Variants in GALNT13 observed in about 807,000 individuals in gnomAD.
GALNT13 encodes polypeptide N-acetylgalactosaminyltransferase 13.
A neutral mutation model predicts 64.2 loss-of-function variants in GALNT13; 28 were observed. The ratio of observed to expected loss-of-function variants is 0.44; its 90% CI spans 0.32 to 0.60. The LOEUF (loss-of-function observed/expected upper bound fraction) is 0.60, where lower values mean the gene tolerates loss of function less well. Ranked by LOEUF, GALNT13 falls within the 20% of genes least tolerant of loss-of-function variation. The pLI, the probability that GALNT13 is intolerant of heterozygous loss-of-function variation, is 0.05. For missense variants in GALNT13, 577 were observed against 669.8 expected (o/e 0.86, Z 1.53); for synonymous variants, 214 against 224.6 (o/e 0.95, Z 0.42).
chr2:153,162,552 C>A, the GALNT13 span, among the ~76,000 whole-genome samples: 2 of 152,116 alleles, frequency 1.3e-5, no homozygotes, highest in African/African-American at 4.8e-5. Flanking sequence ...AGTCAGCCCC[C>A]CTGGGAAGAG....
At chr2:153,402,779 C>T in the GALNT13 span, among the ~76,000 whole-genome samples, 1 of 152,110 alleles carries the variant, frequency 6.6e-6, no homozygotes, top group South Asian at 2.1e-4. Flanking sequence ...TCAGCTCCAT[C>T]AGCTCCTTTA....
At chr2:154,398,651 A>G (rs1282023887) in intron 10 of GALNT13, among the ~76,000 whole-genome samples, 1 of 152,192 alleles carries the variant, frequency 6.6e-6, no homozygotes, top group Non-Finnish European at 1.5e-5. Flanking sequence ...GAAGTCAAGC[A>G]TAGGAGGGTT....
At chr2:153,872,616 T>G (rs373811022) in intron 1 of GALNT13, among the ~76,000 whole-genome samples, 2,716 of 27,262 alleles carry the variant, frequency 0.1, 279 homozygotes, top group Non-Finnish European at 0.14. Flanking sequence ...GAGTTGTTGG[T>G]GGCGGGGGGG....
chr2:153,514,692 T>C, the GALNT13 span, among the ~76,000 whole-genome samples: 1 of 152,134 alleles, frequency 6.6e-6, no homozygotes, highest in African/African-American at 2.4e-5. Flanking sequence ...GTGCTACCAT[T>C]CATGTTGCAA....
the GALNT13 span, among the ~76,000 whole-genome samples, chr2:153,561,003 A>G: frequency 6.6e-6 from 1 of 151,786 alleles, no homozygotes; most frequent in Non-Finnish European, 1.5e-5. Flanking sequence ...ATTTTTCCTT[A>G]TATCTCTTAT....
At chr2:153,898,766 A>G (rs1219939073) in intron 1 of GALNT13, among the ~76,000 whole-genome samples, 2 of 151,540 alleles carry the variant, frequency 1.3e-5, no homozygotes, top group African/African-American at 2.4e-5. Context: ...ATAGGAATCT[A>G]GTGAAATGTA....
chr2:153,486,874 A>G, the GALNT13 span, among the ~76,000 whole-genome samples: 393 of 152,324 alleles, frequency 2.6e-3, 15 homozygotes, highest in East Asian at 0.068. Context: ...TGAACTGCTT[A>G]TAATCTTCCA....
the GALNT13 span, among the ~76,000 whole-genome samples, chr2:153,276,575 A>G: frequency 6.6e-6 from 1 of 152,128 alleles, no homozygotes; most frequent in Admixed American, 6.5e-5. Flanking sequence ...TATAAACACA[A>G]TATTTTATCA....
At chr2:153,497,874 T>C in the GALNT13 span, among the ~76,000 whole-genome samples, 1 of 152,172 alleles carries the variant, frequency 6.6e-6, no homozygotes, top group African/African-American at 2.4e-5. Context: ...AGGGACCATC[T>C]GTTTACTCAT....
rs77249977 is a variant in GALNT13 at position 154,144,183 on chromosome 2, C to T, written c.311+3678C>T. On this transcript the variant is annotated intron_variant, in intron 4 of 12. Transcript: ENST00000392825. Reference sequence around the variant, plus strand: ...GAAAACAGTAATACCATCCAAAATTCCTAGACAAGTCACAGTGTATGAGGT... The same window carrying T: ...GAAAACAGTAATACCATCCAAAATTTCTAGACAAGTCACAGTGTATGAGGT... Among the ~76,000 whole-genome samples the T allele has an allele frequency of 7.3e-3, 1,104 of 152,168 alleles. 91 individuals carry two copies. The East Asian group carries it at 0.18, about 25-fold the overall frequency.
intron 3 of GALNT13, among the ~76,000 whole-genome samples, chr2:154,063,000 CAA>C (rs1700274499): frequency 1.3e-5 from 2 of 152,034 alleles, no homozygotes; most frequent in Admixed American, 1.3e-4. Context: ...ATTCCTAATT[CAA>C]GAGTATTCTT....
At chr2:153,565,026 T>C in the GALNT13 span, among the ~76,000 whole-genome samples, 1 of 152,098 alleles carries the variant, frequency 6.6e-6, no homozygotes, top group Admixed American at 6.5e-5. Flanking sequence ...ACAAGCTGAA[T>C]GGGCTTAGGA....
rs1423594599 is a variant in GALNT13, at chr2:154,259,009, T to A, written c.858-12T>A. 7.1e-7 allele frequency: 1 copy of A among 1,403,022 alleles called. No individual in the cohort carries two copies. Among genetic ancestry groups the A allele is most frequent in the African/African-American group, 1.4e-5 (1 of 70,400 alleles). The allele number at this position is 1,403,022 out of a possible 1,614,324, so 86.9% of individuals were successfully genotyped here. A position where few individuals can be genotyped will look rare whatever the true frequency, so the allele number is the denominator to read the frequency against. ...AAAAGATATTCTTTTCTTTTTGTTT[T>A]TTTTCAACTAGGACCCCTACTATGG... On this transcript the variant is annotated splice_polypyrimidine_tract_variant and intron_variant, in intron 7 of 12. Coordinates refer to ENST00000392825, the MANE Select transcript of GALNT13 (RefSeq NM_052917.4).
chr2:153,419,540 G>A, the GALNT13 span, among the ~76,000 whole-genome samples: 1 of 152,208 alleles, frequency 6.6e-6, no homozygotes, highest in African/African-American at 2.4e-5. Flanking sequence ...ATTAGGGAGG[G>A]AAGTAGACAA....
the GALNT13 span, among the ~76,000 whole-genome samples, chr2:153,202,026 G>A: frequency 7.4e-6 from 1 of 134,444 alleles, no homozygotes; most frequent in African/African-American, 2.8e-5. Context: ...CGCCCAGGCC[G>A]GACTGCGGAC....
At chr2:154,437,397 T>C in intron 11 of GALNT13, 1 of 430,168 alleles carries the variant, frequency 2.3e-6, no homozygotes, top group South Asian at 2.6e-5. Flanking sequence ...TAAAGCTGAC[T>C]TCCTCAGATT....
intron 4 of GALNT13, among the ~76,000 whole-genome samples, chr2:154,222,850 G>T (rs1263085765): frequency 6.6e-6 from 1 of 152,140 alleles, no homozygotes; most frequent in Admixed American, 6.6e-5. Context: ...CCTGTGATTG[G>T]TGTCAACAAA....
intron 3 of GALNT13, among the ~76,000 whole-genome samples, chr2:154,133,795 T>A (rs1393844828): frequency 1.3e-5 from 2 of 151,834 alleles, no homozygotes; most frequent in Non-Finnish European, 2.9e-5. Flanking sequence ...ATGAAATAAT[T>A]ATATTAATAA....
chr2:153,756,837 T>G, the GALNT13 span, among the ~76,000 whole-genome samples: 5 of 152,054 alleles, frequency 3.3e-5, no homozygotes, highest in African/African-American at 1.2e-4. Context: ...TCTGCTCCAG[T>G]TCTCTAGGCT....
Sources: allele counts gnomAD v4.1 joint callset (sites outside exome capture counted in the v4.1 genomes callset), GRCh38; gene constraint gnomAD v4.1.1; transcripts MANE v1.5; gene names NCBI Gene and HGNC (gene_info 2026-07-23, HGNC 2026-07-21).